The following IGF1R variants were observed in gnomAD, a reference collection of about 807,000 sequenced individuals.
IGF1R encodes insulin-like growth factor 1 receptor.
IGF1R carries 44 observed loss-of-function variants against 144.6 expected under a neutral mutation model. The ratio of observed to expected loss-of-function variants is 0.30; its 90% CI spans 0.24 to 0.39. IGF1R has a LOEUF of 0.39. Among genes scored for constraint, IGF1R ranks in the 10% least tolerant of loss-of-function variants. IGF1R has a pLI of 1.00. For missense variants in IGF1R, 1,355 were observed against 1,833.7 expected (o/e 0.74, Z 4.77); for synonymous variants, 795 against 722.8 (o/e 1.10, Z -1.60).
intron 2 of IGF1R, among the ~76,000 whole-genome samples, chr15:98,874,855 ATTGGG>A (rs2012973886): frequency 6.6e-6 from 1 of 151,980 alleles, no homozygotes; most frequent in South Asian, 2.1e-4. Context: ...CCTCTGGGTG[ATTGGG>A]GGAAACTGAG....
intron 1 of IGF1R, among the ~76,000 whole-genome samples, chr15:98,702,665 TGTG>T (rs1379969995): frequency 1.3e-5 from 2 of 152,180 alleles, no homozygotes; most frequent in Non-Finnish European, 2.9e-5. Flanking sequence ...TTTGGCCAGG[TGTG>T]GTGGTAATCC....
intron 1 of IGF1R, among the ~76,000 whole-genome samples, chr15:98,663,814 C>G (rs2141181807): frequency 1.3e-5 from 2 of 152,340 alleles, no homozygotes; most frequent in South Asian, 4.1e-4. Flanking sequence ...CTTTCCAGTC[C>G]TTACCATGCA....
chr15:98,928,532 C>G (rs942714420), intron 13 of IGF1R, among the ~76,000 whole-genome samples: 7 of 152,318 alleles, frequency 4.6e-5, no homozygotes, highest in African/African-American at 1.4e-4. Context: ...TGGGCTGGGT[C>G]CCTTGTGAGC....
chr15:98,763,066 C>T (rs922696164), intron 2 of IGF1R, among the ~76,000 whole-genome samples: 12 of 150,006 alleles, frequency 8.0e-5, no homozygotes, highest in African/African-American at 1.7e-4. Flanking sequence ...AAAAAAAATT[C>T]CTCCACAACA....
intron 1 of IGF1R, among the ~76,000 whole-genome samples, chr15:98,679,515 A>G (rs1489420551): frequency 6.6e-6 from 1 of 152,184 alleles, no homozygotes; most frequent in Non-Finnish European, 1.5e-5. Flanking sequence ...CCCTAGGGAT[A>G]TCGTGTCTGT....
At chr15:98,716,308 G>GTC (rs997839845) in intron 2 of IGF1R, among the ~76,000 whole-genome samples, 40 of 152,000 alleles carry the variant, frequency 2.6e-4, no homozygotes, top group African/African-American at 8.7e-4. Flanking sequence ...GTGTTGCTTG[G>GTC]TCTCTCTCTC....
chr15:98,686,124 A>T (rs2053322552), intron 1 of IGF1R, among the ~76,000 whole-genome samples: 1 of 152,068 alleles, frequency 6.6e-6, no homozygotes, highest in African/African-American at 2.4e-5. Flanking sequence ...ATGTAAGTGG[A>T]CTCGTACACT....
chr15:98,845,313 T>C (rs2011267720), intron 2 of IGF1R, among the ~76,000 whole-genome samples: 1 of 152,110 alleles, frequency 6.6e-6, no homozygotes, highest in Non-Finnish European at 1.5e-5. Context: ...GCATATGTAA[T>C]TTGGAATCTG....
At chr15:98,855,718 T>A (rs1456713832) in intron 2 of IGF1R, among the ~76,000 whole-genome samples, 3 of 152,188 alleles carry the variant, frequency 2.0e-5, no homozygotes, top group African/African-American at 7.2e-5. Flanking sequence ...TAGGTCAGAC[T>A]TCTGGAAACC....
intron 1 of IGF1R, among the ~76,000 whole-genome samples, chr15:98,652,009 T>C (rs2052379926): frequency 6.6e-6 from 1 of 151,546 alleles, no homozygotes. Flanking sequence ...CTTTCAGCTG[T>C]TGTCTGGTGG....
At chr15:98,951,517 T>C (rs1037176425) in intron 20 of IGF1R, among the ~76,000 whole-genome samples, 2 of 152,264 alleles carry the variant, frequency 1.3e-5, no homozygotes, top group East Asian at 1.9e-4. Context: ...ACATGTATTA[T>C]CTCTCAGAGG....
At chr15:98,739,034 A>G (rs2054676784) in intron 2 of IGF1R, among the ~76,000 whole-genome samples, 1 of 152,198 alleles carries the variant, frequency 6.6e-6, no homozygotes. Context: ...TTGCTTCACA[A>G]CTTCAGAGTT....
intron 2 of IGF1R, among the ~76,000 whole-genome samples, chr15:98,734,476 C>CTT (rs2054566651): frequency 6.6e-6 from 1 of 152,138 alleles, no homozygotes; most frequent in Non-Finnish European, 1.5e-5. Flanking sequence ...CCCAGAATGG[C>CTT]TTACAGAGTT....
At chr15:98,741,100 T>C (rs1316116097) in intron 2 of IGF1R, among the ~76,000 whole-genome samples, 1 of 152,232 alleles carries the variant, frequency 6.6e-6, no homozygotes, top group Non-Finnish European at 1.5e-5. Context: ...TTCATGTTTC[T>C]AAACTTTGTC....
intron 10 of IGF1R, 66 bp from the exon 11 acceptor site, chr15:98,922,082 C>A (rs1169309520): frequency 2.5e-5 from 39 of 1,561,474 alleles, no homozygotes. Flanking sequence ...GTTACTCTTA[C>A]TCAAGTCATA....
At chr15:98,941,515 T>C (rs903764677) in intron 18 of IGF1R, among the ~76,000 whole-genome samples, 2 of 152,258 alleles carry the variant, frequency 1.3e-5, no homozygotes, top group African/African-American at 4.8e-5. Flanking sequence ...AGGTCGTTTG[T>C]GTTTTTTAAT....
chr15:98,909,247 T>G (rs2014879274), intron 6 of IGF1R, among the ~76,000 whole-genome samples: 2 of 23,008 alleles, frequency 8.7e-5, no homozygotes, highest in African/African-American at 3.2e-4. Context: ...CTTTTCTTTT[T>G]TTTCTTTTTT....
At chr15:98,822,167 C>T (rs180782188) in intron 2 of IGF1R, among the ~76,000 whole-genome samples, 13 of 152,292 alleles carry the variant, frequency 8.5e-5, no homozygotes, top group African/African-American at 2.6e-4. Flanking sequence ...CACCCTCAAA[C>T]AGTTACCCAG....
In IGF1R at chr15:98,707,545, C is replaced by T. The variant is rs1199928187; in HGVS notation, c.95-17C>T. The T allele has an allele frequency of 4.3e-6, 7 of 1,613,700 alleles. No homozygotes were observed. The South Asian group carries it at 6.6e-5, about 15-fold the overall frequency. On this transcript the variant is annotated splice_polypyrimidine_tract_variant and intron_variant, in intron 1 of 20. Transcript: ENST00000650285. This position sits in a 1 kb window ranked among gnomAD's most constrained non-coding sequence, Gnocchi z 6.7. ...TTTCCTTCTAACTGAGACGTTTACC[C>T]TCTTGTCTCCCTTCAGTCTGCGGGC...
Sources: allele counts gnomAD v4.1 joint callset (sites outside exome capture counted in the v4.1 genomes callset), GRCh38; gene constraint gnomAD v4.1.1; non-coding constraint Gnocchi (gnomAD v3.1); transcripts MANE v1.5; gene names NCBI Gene and HGNC (gene_info 2026-07-23, HGNC 2026-07-21).